The following CELF2 variants were observed in gnomAD, a reference collection of about 807,000 sequenced individuals.
CELF2 encodes CUG triplet repeat RNA-binding protein 2.
CELF2 carries 8 observed loss-of-function variants against 62.6 expected under a neutral mutation model. That is an observed-to-expected ratio of 0.13 (90% CI 0.07 to 0.23). The LOEUF (loss-of-function observed/expected upper bound fraction) is 0.23. Ranked by LOEUF, CELF2 falls within the 10% of genes least tolerant of loss-of-function variation. The pLI, the probability that CELF2 is intolerant of heterozygous loss-of-function variation, is 1.00. For missense variants in CELF2, 333 were observed against 671.0 expected (o/e 0.50, Z 5.56); for synonymous variants, 258 against 250.0 (o/e 1.03, Z -0.30).
intron 2 of CELF2, chr10:10,946,102 G>A (rs947189852): frequency 2.0e-5 from 3 of 152,672 alleles, no homozygotes; most frequent in African/African-American, 7.2e-5. Context: ...TTCCTGAAGG[G>A]AAAGGTTACC....
rs2056625803 is a variant in CELF2 at position 11,012,510 on chromosome 10, A to G, written c.53+7070A>G. On this transcript the variant is annotated intron_variant, in intron 1 of 12. Transcript: ENST00000416382. This position sits in a 1 kb window ranked among gnomAD's most constrained non-coding sequence, Gnocchi z 5.5. ...TCCGTCTCAGACAACCCCACCCTCAAGCTTACCACATCCATTTCTCTTCCT... is the reference window on the plus strand; with the variant it reads ...TCCGTCTCAGACAACCCCACCCTCAGGCTTACCACATCCATTTCTCTTCCT... 6.6e-6 allele frequency among the ~76,000 whole-genome samples: 1 copy of G among 152,128 alleles called. No individual in the cohort carries two copies. The highest frequency in any genetic ancestry group is 1.5e-5 in the Non-Finnish European group (1 of 68,028).
chr10:11,303,669 C>T (rs2093968903), intron 9 of CELF2, among the ~76,000 whole-genome samples: 1 of 152,180 alleles, frequency 6.6e-6, no homozygotes, highest in Non-Finnish European at 1.5e-5. Flanking sequence ...TAAGGTCTTA[C>T]AGACTGGAAG....
chr10:10,594,276 C>A, the CELF2 span, among the ~76,000 whole-genome samples: 2 of 152,098 alleles, frequency 1.3e-5, no homozygotes, highest in African/African-American at 4.8e-5. Flanking sequence ...TCAACTGGTA[C>A]AGTTAATGCA....
chr10:11,062,781 G>A (rs2067121120), intron 1 of CELF2, among the ~76,000 whole-genome samples: 1 of 152,154 alleles, frequency 6.6e-6, no homozygotes, highest in South Asian at 2.1e-4. Flanking sequence ...GTAGTGGCAG[G>A]GTTTGTGAGG....
intron 1 of CELF2, among the ~76,000 whole-genome samples, chr10:10,894,575 C>T (rs759623850): frequency 1.6e-4 from 24 of 152,098 alleles, no homozygotes; most frequent in Middle Eastern, 6.8e-3. Context: ...ACCAGTAGGA[C>T]GGAATTTTAG....
chr10:11,046,958 T>C lies in CELF2; in HGVS notation c.74+28795T>C, dbSNP rs1291877. 0.22 allele frequency among the ~76,000 whole-genome samples: 34,144 copies of C among 151,898 alleles called. 5,448 individuals are homozygous for C. Among genetic ancestry groups the C allele is most frequent in the African/African-American group, 0.45 (18,747 of 41,326 alleles). ...GAAGGATTGTTCGGAATTATTATAT[T>C]GTCAGACCCATTGTTTATTTCGCTC... On this transcript the variant is annotated intron_variant, in intron 1 of 12. Transcript: ENST00000633077. This position sits in a 1 kb window ranked among gnomAD's most constrained non-coding sequence, Gnocchi z 4.6.
At chr10:10,961,799 A>T (rs1419169509) in intron 2 of CELF2, among the ~76,000 whole-genome samples, 1 of 152,086 alleles carries the variant, frequency 6.6e-6, no homozygotes, top group Non-Finnish European at 1.5e-5. Flanking sequence ...TCTTTCCCAC[A>T]TTATTTAATT....
intron 4 of CELF2, among the ~76,000 whole-genome samples, chr10:11,254,486 G>A (rs1345421179): frequency 2.0e-5 from 3 of 152,230 alleles, no homozygotes; most frequent in African/African-American, 7.2e-5. Context: ...TTGCCTGGCT[G>A]AGTTGACCTT....
chr10:10,691,625 A>C, the CELF2 span, among the ~76,000 whole-genome samples: 1 of 151,816 alleles, frequency 6.6e-6, no homozygotes, highest in Admixed American at 6.6e-5. Flanking sequence ...TCCCACCAAC[A>C]GTGTAAAAGT....
intron 1 of CELF2, among the ~76,000 whole-genome samples, chr10:11,121,753 T>C (rs980891494): frequency 6.6e-5 from 10 of 152,216 alleles, no homozygotes; most frequent in African/African-American, 2.4e-4. Flanking sequence ...ATGCTTTTGC[T>C]GTGTCTGTTT....
intron 1 of CELF2, among the ~76,000 whole-genome samples, chr10:10,834,757 T>C (rs895304857): frequency 6.6e-6 from 1 of 152,162 alleles, no homozygotes; most frequent in Non-Finnish European, 1.5e-5. Context: ...TTTGGTTTGA[T>C]GTGATAGATA....
At chr10:10,596,831 G>C in the CELF2 span, among the ~76,000 whole-genome samples, 2 of 152,208 alleles carry the variant, frequency 1.3e-5, no homozygotes, top group Non-Finnish European at 2.9e-5. Context: ...GAGTGGCATG[G>C]AATTTGGGGA....
intron 2 of CELF2, among the ~76,000 whole-genome samples, chr10:10,951,016 C>A (rs1302283644): frequency 1.3e-5 from 2 of 152,192 alleles, no homozygotes; most frequent in Non-Finnish European, 2.9e-5. Context: ...GAAAATAGCT[C>A]CTGTCCCAAT....
the CELF2 span, among the ~76,000 whole-genome samples, chr10:10,580,140 A>G: frequency 3.9e-5 from 6 of 152,330 alleles, no homozygotes; most frequent in African/African-American, 1.4e-4. Flanking sequence ...TTTTCATATG[A>G]ACACTAAAAT....
rs560291205 is a variant in CELF2, at chr10:11,336,271, A to C, written c.*7218A>C. The C allele has an allele frequency of 6.6e-6, 1 of 152,644 alleles. No homozygotes were observed. Among genetic ancestry groups the C allele is most frequent in the Admixed American group, 6.5e-5 (1 of 15,286 alleles). 9.5% of individuals were successfully genotyped at this position (152,644 alleles called of 1,614,324 possible). ...CTTATCAGGAATCGACTGTTCTGCT[A>C]ATTTGCTGTTGTTGTTTTTCATCTC... On this transcript the variant is annotated 3_prime_UTR_variant, in exon 13 of 13. Transcript: ENST00000633077. The surrounding 1 kb of genome is among the most constrained non-coding windows in gnomAD (Gnocchi z 5.4).
chr10:11,300,460 C>T lies in CELF2; in HGVS notation c.976+11908C>T, dbSNP rs1421909215. 6.6e-6 allele frequency among the ~76,000 whole-genome samples: 1 copy of T among 152,234 alleles called. No homozygotes were observed. Among genetic ancestry groups the T allele is most frequent in the Non-Finnish European group, 1.5e-5 (1 of 68,036 alleles). On this transcript the variant is annotated intron_variant, in intron 9 of 12. Coordinates refer to ENST00000633077, the MANE Select transcript of CELF2 (RefSeq NM_001326342.2). This position sits in a 1 kb window ranked among gnomAD's most constrained non-coding sequence, Gnocchi z 5.5. ...CCAATGTCTCTGGGGAAGGTACCCT[C>T]TTCCAGGCTGGGAGTGTGAGGTCAC... is the stretch of plus-strand genomic sequence containing the variant.
chr10:11,251,892 A>G (rs2077260346), intron 4 of CELF2, among the ~76,000 whole-genome samples: 1 of 152,212 alleles, frequency 6.6e-6, no homozygotes, highest in Non-Finnish European at 1.5e-5. Context: ...TGAGCAGCAG[A>G]GGCCGGCCTG....
At chr10:11,005,095 A>G (rs900573309), upstream of CELF2, 4 of 985,286 alleles carry the variant, frequency 4.1e-6, no homozygotes, top group Admixed American at 1.2e-4. This position sits in a 1 kb window ranked among gnomAD's most constrained non-coding sequence, Gnocchi z 4.3. Flanking sequence ...GTGAATGCAG[A>G]CAAGACCCCT....
Position 10,921,753 on chromosome 10 carries a change from G to T in CELF2, c.89+1754G>T, listed in dbSNP as rs1403058132. ...GAACAAGGATGGACGCAGGAAAGGG[G>T]TGTGTGGATTCAGAGCAGTGTGTGG... On this transcript the variant is annotated intron_variant, in intron 2 of 13. Transcript: ENST00000636488. Among the ~76,000 whole-genome samples the T allele has an allele frequency of 2.0e-5, 3 of 152,114 alleles. No individual in the cohort carries two copies. The East Asian group carries it at 5.8e-4, about 30-fold the overall frequency.
Sources: allele counts gnomAD v4.1 joint callset (sites outside exome capture counted in the v4.1 genomes callset), GRCh38; gene constraint gnomAD v4.1.1; non-coding constraint Gnocchi (gnomAD v3.1); transcripts MANE v1.5; gene names NCBI Gene and HGNC (gene_info 2026-07-23, HGNC 2026-07-21).